Variants in MYO1D observed in about 807,000 individuals in gnomAD.
The protein encoded by MYO1D is myosin ID.
MYO1D carries 83 observed loss-of-function variants against 122.0 expected under a neutral mutation model. That is an observed-to-expected ratio of 0.68 (90% CI 0.57 to 0.82). The LOEUF is 0.82. MYO1D is among the 40% of genes least tolerant of loss of function. MYO1D has a pLI of 0.00. For missense variants in MYO1D, 1,157 were observed against 1,269.5 expected (o/e 0.91, Z 1.35); for synonymous variants, 464 against 446.9 (o/e 1.04, Z -0.48).
chr17:32,665,274 T>G (rs145719296), intron 16 of MYO1D, among the ~76,000 whole-genome samples: 29 of 148,334 alleles, frequency 2.0e-4, no homozygotes, highest in African/African-American at 7.1e-4. Flanking sequence ...CCCCCAGCAC[T>G]CAATCCCTTC....
intron 21 of MYO1D, among the ~76,000 whole-genome samples, chr17:32,525,761 A>C (rs1402088563): frequency 6.6e-6 from 1 of 152,132 alleles, no homozygotes; most frequent in Non-Finnish European, 1.5e-5. Context: ...GCCACAGAAG[A>C]AAGTAGAGAG....
At chr17:32,573,525 C>CT (rs879532045) in intron 21 of MYO1D, among the ~76,000 whole-genome samples, 133 of 145,190 alleles carry the variant, frequency 9.2e-4, no homozygotes, top group African/African-American at 2.2e-3. Flanking sequence ...TGTTTTTCTT[C>CT]TTTTTTTTTT....
chr17:32,683,270 A>C lies in MYO1D; in HGVS notation c.2122-23932T>G, dbSNP rs1447871340. On this transcript the variant is annotated intron_variant, in intron 16 of 21. Transcript: ENST00000318217. Reference sequence around the variant, plus strand: ...AGCTCGTCAAAGTCATTCTCCATCCAGCTTTGTTCCGTTGCTGGTGAGGAA... The same window carrying C: ...AGCTCGTCAAAGTCATTCTCCATCCCGCTTTGTTCCGTTGCTGGTGAGGAA... Among the ~76,000 whole-genome samples the C allele has an allele frequency of 5.3e-4, 80 of 152,092 alleles. No homozygotes were observed. In the South Asian group the frequency reaches 0.016, roughly 31 times the overall value.
At chr17:32,511,105 C>T (rs1909680682) in intron 21 of MYO1D, among the ~76,000 whole-genome samples, 1 of 152,152 alleles carries the variant, frequency 6.6e-6, no homozygotes, top group African/African-American at 2.4e-5. Flanking sequence ...GGGAAGTGGG[C>T]TCTGGAGCCT....
At chr17:32,816,446 T>C (rs953573686) in intron 1 of MYO1D, among the ~76,000 whole-genome samples, 3 of 152,200 alleles carry the variant, frequency 2.0e-5, no homozygotes, top group African/African-American at 7.2e-5. Context: ...CCAATGTTAT[T>C]TACTTTTCGT....
chr17:32,635,094 G>A (rs888810863), intron 20 of MYO1D, among the ~76,000 whole-genome samples: 4 of 152,188 alleles, frequency 2.6e-5, no homozygotes, highest in Non-Finnish European at 4.4e-5. Context: ...TTGCTATGGC[G>A]AGGCCTCATC....
chr17:32,646,638 C>T (rs996447931), intron 19 of MYO1D, among the ~76,000 whole-genome samples: 10 of 151,984 alleles, frequency 6.6e-5, no homozygotes, highest in East Asian at 1.9e-4. Flanking sequence ...TATATGTTCC[C>T]GAGTTAATCT....
chr17:32,757,745 G>C (rs1409778532), intron 10 of MYO1D, among the ~76,000 whole-genome samples: 1 of 152,064 alleles, frequency 6.6e-6, no homozygotes. Flanking sequence ...GTAACTTTCA[G>C]TTTGTAAGTT....
chr17:32,601,163 T>C (rs1178084833), intron 21 of MYO1D, among the ~76,000 whole-genome samples: 2 of 152,132 alleles, frequency 1.3e-5, no homozygotes, highest in Non-Finnish European at 2.9e-5. Flanking sequence ...CTGGAACTCC[T>C]GGCCTCAAGC....
chr17:32,852,948 T>G (rs1205491663), intron 1 of MYO1D, among the ~76,000 whole-genome samples: 1 of 151,776 alleles, frequency 6.6e-6, no homozygotes, highest in Non-Finnish European at 1.5e-5. Context: ...ACCTATGTCC[T>G]GACTACACAC....
At chr17:32,574,046 G>C (rs945694030) in intron 21 of MYO1D, among the ~76,000 whole-genome samples, 2 of 150,964 alleles carry the variant, frequency 1.3e-5, no homozygotes, top group Non-Finnish European at 2.9e-5. Context: ...TAGAGACAGG[G>C]TTTCACCGTG....
At chr17:32,683,606 T>C (rs941046442) in intron 16 of MYO1D, among the ~76,000 whole-genome samples, 3 of 151,718 alleles carry the variant, frequency 2.0e-5, no homozygotes, top group African/African-American at 7.3e-5. Flanking sequence ...AGTCTGCCGG[T>C]TCTCAGATCT....
At chr17:32,541,345 T>G (rs1037874416) in intron 21 of MYO1D, among the ~76,000 whole-genome samples, 7 of 152,162 alleles carry the variant, frequency 4.6e-5, no homozygotes, top group African/African-American at 1.7e-4. Flanking sequence ...GGACCACATA[T>G]TATATAATCC....
rs1186356538 is a variant in MYO1D at position 32,592,288 on chromosome 17, C to T, written c.2864+12799G>A. Among the ~76,000 whole-genome samples, 3 of 152,330 alleles carry T rather than the reference C, an allele frequency of 2.0e-5. 1 individual carries two copies. Among genetic ancestry groups the T allele is most frequent in the African/African-American group, 7.2e-5 (3 of 41,570 alleles). On this transcript the variant is annotated intron_variant, in intron 21 of 21. Transcript: ENST00000318217. ...TTTTTAACCCTCCCTCATCTCCAAA[C>T]CCCTGGTAACCACAGGCTTTGCCAT...
At chr17:32,619,379 T>C (rs955591532) in intron 20 of MYO1D, among the ~76,000 whole-genome samples, 1 of 152,182 alleles carries the variant, frequency 6.6e-6, no homozygotes, top group African/African-American at 2.4e-5. Context: ...AGGCGCTCCT[T>C]TGGAAAGAAC....
At chr17:32,586,899 T>C (rs1299430858) in intron 21 of MYO1D, among the ~76,000 whole-genome samples, 1 of 152,192 alleles carries the variant, frequency 6.6e-6, no homozygotes, top group Non-Finnish European at 1.5e-5. Context: ...GGAGTGTGAA[T>C]TAATAAAGCA....
At chr17:32,541,796 C>T (rs1406278106) in intron 21 of MYO1D, among the ~76,000 whole-genome samples, 2 of 152,156 alleles carry the variant, frequency 1.3e-5, no homozygotes, top group South Asian at 2.1e-4. Flanking sequence ...CCCTGCCTAT[C>T]TCTAACCTCC....
chr17:32,835,973 C>T (rs2090818178), intron 1 of MYO1D, among the ~76,000 whole-genome samples: 1 of 152,082 alleles, frequency 6.6e-6, no homozygotes, highest in African/African-American at 2.4e-5. Context: ...GATTTGTTTG[C>T]TTTCATTATG....
At chr17:32,864,007 C>CTTTTTTTTTTTTTTTTTTTTTTTTTTT (rs560953120) in intron 1 of MYO1D, among the ~76,000 whole-genome samples, 1 of 48,960 alleles carries the variant, frequency 2.0e-5, no homozygotes, top group African/African-American at 1.0e-4. Context: ...ACATTTCTTC[C>CTTTTTTTTTTTTTTTTTTTTTTTTTTT]TTTTTTTTTT....
Sources: allele counts gnomAD v4.1 joint callset (sites outside exome capture counted in the v4.1 genomes callset), GRCh38; gene constraint gnomAD v4.1.1; transcripts MANE v1.5; gene names NCBI Gene and HGNC (gene_info 2026-07-23, HGNC 2026-07-21).